The following GFRA1 variants were observed in gnomAD, a reference collection of about 807,000 sequenced individuals.
The protein encoded by GFRA1 is GDNF family receptor alpha 1.
Under a neutral mutation model 51.6 loss-of-function variants are expected in GFRA1, and 16 were observed. The ratio of observed to expected loss-of-function variants is 0.31; its 90% CI spans 0.21 to 0.47. GFRA1 has a LOEUF of 0.47. Ranked by LOEUF, GFRA1 falls within the 20% of genes least tolerant of loss-of-function variation. The probability of loss-of-function intolerance (pLI) is 1.00; values close to 1 mark genes in which losing one functional copy is unlikely to be tolerated. For missense variants in GFRA1, 530 were observed against 594.3 expected (o/e 0.89, Z 1.13); for synonymous variants, 270 against 241.3 (o/e 1.12, Z -1.10).
chr10:116,065,790 G>C (rs1310279347), intron 9 of GFRA1, among the ~76,000 whole-genome samples, 164 bp from the exon 10 acceptor site: 3 of 152,144 alleles, frequency 2.0e-5, no homozygotes, highest in Non-Finnish European at 4.4e-5. Context: ...GTAATAAAGA[G>C]ATATCAGGTG....
At chr10:116,153,986 T>C (rs1353151219) in intron 5 of GFRA1, among the ~76,000 whole-genome samples, 1 of 152,122 alleles carries the variant, frequency 6.6e-6, no homozygotes, top group Non-Finnish European at 1.5e-5. Flanking sequence ...CAAAGAAACA[T>C]GCAGAAATGT....
intron 5 of GFRA1, among the ~76,000 whole-genome samples, chr10:116,188,410 G>A (rs1453960015): frequency 6.6e-6 from 1 of 152,210 alleles, no homozygotes; most frequent in African/African-American, 2.4e-5. Context: ...ATTTAGAACA[G>A]TCCAATTCTT....
intron 8 of GFRA1, among the ~76,000 whole-genome samples, 163 bp from the exon 9 acceptor site, chr10:116,090,085 C>A (rs1956270907): frequency 6.6e-6 from 1 of 152,192 alleles, no homozygotes; most frequent in Admixed American, 6.5e-5. Flanking sequence ...GAGAGCCAGT[C>A]TTTGGGGTCA....
chr10:116,174,067 C>T (rs1344469114), intron 5 of GFRA1, among the ~76,000 whole-genome samples: 3 of 151,458 alleles, frequency 2.0e-5, no homozygotes, highest in African/African-American at 7.3e-5. Context: ...GCAACAAGAG[C>T]GAAACTCCAT....
At chr10:116,154,985 A>G (rs1226241512) in intron 5 of GFRA1, among the ~76,000 whole-genome samples, 1 of 152,158 alleles carries the variant, frequency 6.6e-6, no homozygotes, top group East Asian at 1.9e-4. Flanking sequence ...TGACTGCTTG[A>G]GACCTTACCT....
chr10:116,163,051 GGAAAGGCC>G (rs1355968655), intron 5 of GFRA1, among the ~76,000 whole-genome samples: 3 of 152,134 alleles, frequency 2.0e-5, no homozygotes, highest in Non-Finnish European at 2.9e-5. Flanking sequence ...CCATAGCGTG[GGAAAGGCC>G]ACCTGCCTCA....
At chr10:116,271,935 G>T (rs1843975632) in intron 2 of GFRA1, 55 bp downstream of exon 2, 8 of 1,424,912 alleles carry the variant, frequency 5.6e-6, no homozygotes, top group Non-Finnish European at 7.8e-6. Flanking sequence ...GCTGCTGCAA[G>T]CGACCCTAGG....
Position 116,064,405 on chromosome 10 carries a change from G to A in GFRA1, c.1391C>T (p.Thr464Ile), listed in dbSNP as rs1954995061. The change falls in exon 11 of 11, where the codon ACA (threonine) becomes ATA (isoleucine). Residue 464 changes from threonine to isoleucine, a missense_variant. Coordinates refer to ENST00000355422, the MANE Select transcript of GFRA1 (RefSeq NM_005264.8). ...TGTATTTTTTTAATGCAGCTATGATGTTTCTGTTAAAGATAATAGGGTGGA... is the reference window on the plus strand; with the variant it reads ...TGTATTTTTTTAATGCAGCTATGATATTTCTGTTAAAGATAATAGGGTGGA... ...ALSTLLSLTE[T>I]S is the part of the protein sequence containing the mutation. 1.2e-6 allele frequency: 2 copies of A among 1,612,006 alleles called. No individual in the cohort carries two copies. The highest frequency in any genetic ancestry group is 4.5e-5 in the East Asian group (2 of 44,824).
intron 4 of GFRA1, among the ~76,000 whole-genome samples, chr10:116,252,532 C>A (rs999521913): frequency 3.3e-5 from 5 of 152,122 alleles, no homozygotes; most frequent in African/African-American, 1.2e-4. Context: ...ACAGGCAAAC[C>A]AGGCTATCAA....
intron 5 of GFRA1, among the ~76,000 whole-genome samples, chr10:116,139,860 C>T (rs1211702443): frequency 6.6e-6 from 1 of 152,214 alleles, no homozygotes; most frequent in African/African-American, 2.4e-5. Context: ...CTCTCTATTG[C>T]AGGAGGTCCC....
At chr10:116,165,560 GC>G (rs1181732556) in intron 5 of GFRA1, among the ~76,000 whole-genome samples, 3 of 152,010 alleles carry the variant, frequency 2.0e-5, no homozygotes, top group African/African-American at 7.3e-5. Context: ...TACTCTCCAA[GC>G]TCAAGAAACC....
intron 5 of GFRA1, among the ~76,000 whole-genome samples, chr10:116,184,448 G>A (rs891163810): frequency 1.3e-5 from 2 of 152,188 alleles, no homozygotes; most frequent in African/African-American, 4.8e-5. Flanking sequence ...CCATGCTAAT[G>A]ACGAATGACT....
rs1306369847 is a variant in GFRA1, at chr10:116,093,573, GCAGGCACAAGGTACAAGAGGTA to G, written c.1015+107_1015+128del. On this transcript the variant is annotated intron_variant, in intron 8 of 10. Coordinates refer to ENST00000355422, the MANE Select transcript of GFRA1 (RefSeq NM_005264.8). ...GGAGAAAGACAGACAGAGAGAGGAA[GCAGGCACAAGGTACAAGAGGTA>G]CAGGCACAAGGTACAAGAGGTACAG... The G allele has an allele frequency of 2.3e-3, 1,812 of 802,142 alleles. 19 individuals carry two copies. The highest frequency in any genetic ancestry group is 8.2e-3 in the South Asian group (573 of 69,482). 49.7% of individuals were successfully genotyped at this position (802,142 alleles called of 1,614,324 possible). A position where few individuals can be genotyped will look rare whatever the true frequency, so the allele number is the denominator to read the frequency against.
intron 5 of GFRA1, among the ~76,000 whole-genome samples, chr10:116,203,072 C>G (rs1964465531): frequency 2.0e-5 from 3 of 152,036 alleles, no homozygotes; most frequent in African/African-American, 2.4e-5. Context: ...AGGCAGGTAT[C>G]AGGGCTCGAG....
intron 4 of GFRA1, among the ~76,000 whole-genome samples, chr10:116,217,282 C>A (rs1213923489): frequency 1.3e-5 from 2 of 152,174 alleles, no homozygotes; most frequent in African/African-American, 4.8e-5. Flanking sequence ...AGTAATCACT[C>A]AACATATTGT....
chr10:116,242,487 T>A (rs979890258), intron 4 of GFRA1, among the ~76,000 whole-genome samples: 1 of 147,754 alleles, frequency 6.8e-6, no homozygotes, highest in Non-Finnish European at 1.5e-5. Flanking sequence ...ATAAAAACAT[T>A]TTTTTTTTTT....
intron 6 of GFRA1, among the ~76,000 whole-genome samples, chr10:116,107,067 A>G (rs1038668330): frequency 6.6e-6 from 1 of 152,226 alleles, no homozygotes; most frequent in Non-Finnish European, 1.5e-5. Flanking sequence ...CCATGAGCCA[A>G]TTAAACCCCT....
At chr10:116,268,888 GA>G (rs1342666487) in intron 4 of GFRA1, among the ~76,000 whole-genome samples, 1 of 152,106 alleles carries the variant, frequency 6.6e-6, no homozygotes, top group Non-Finnish European at 1.5e-5. Flanking sequence ...TGCAAAGAGA[GA>G]AAAAACAAAC....
intron 4 of GFRA1, among the ~76,000 whole-genome samples, chr10:116,219,835 C>T (rs1286445073): frequency 2.6e-5 from 4 of 152,070 alleles, no homozygotes; most frequent in Non-Finnish European, 4.4e-5. Flanking sequence ...TAAAAGTGAG[C>T]CCCTGGATAT....
Sources: gnomAD v4.1 joint callset for allele counts (sites outside exome capture counted in the v4.1 genomes callset) on GRCh38, gnomAD v4.1.1 for gene constraint, MANE v1.5 for transcripts, NCBI Gene and HGNC (gene_info 2026-07-23, HGNC 2026-07-21) for gene names.